Variants in CADM1 observed in about 807,000 individuals in gnomAD.
The protein encoded by CADM1 is TSLC-1.
A neutral mutation model predicts 53.1 loss-of-function variants in CADM1; 15 were observed. That is an observed-to-expected ratio of 0.28 (90% CI 0.19 to 0.44). CADM1 has a LOEUF of 0.44. Among genes scored for constraint, CADM1 ranks in the 20% least tolerant of loss-of-function variants. The pLI is 1.00. For synonymous variants in CADM1, 281 were observed against 243.0 expected, an observed-to-expected ratio of 1.16 and a Z score of -1.45; for missense variants, 434 against 611.3, an observed-to-expected ratio of 0.71 and a Z score of 3.06.
intron 1 of CADM1, among the ~76,000 whole-genome samples, chr11:115,251,048 A>C (rs1228856647): frequency 6.6e-6 from 1 of 152,246 alleles, no homozygotes; most frequent in Non-Finnish European, 1.5e-5. Context: ...AGGAATCTGA[A>C]GCCAAACAGC....
chr11:115,196,337 T>G (rs1206735468), intron 9 of CADM1, among the ~76,000 whole-genome samples: 1 of 152,112 alleles, frequency 6.6e-6, no homozygotes, highest in Non-Finnish European at 1.5e-5. Flanking sequence ...CTACTTCGAA[T>G]AGCCTATCCA....
At chr11:115,243,862 AGG>A (rs1414658366) in intron 1 of CADM1, among the ~76,000 whole-genome samples, 1 of 152,244 alleles carries the variant, frequency 6.6e-6, no homozygotes, top group Non-Finnish European at 1.5e-5. Flanking sequence ...AGGCAGAAAC[AGG>A]ACATGTTCTG....
intron 1 of CADM1, among the ~76,000 whole-genome samples, chr11:115,279,965 G>A (rs1200324579): frequency 3.3e-5 from 5 of 152,196 alleles, no homozygotes; most frequent in Non-Finnish European, 5.9e-5. Context: ...CTGCACAGCT[G>A]TAGAAAGCTA....
chr11:115,468,104 A>G (rs935542108), intron 1 of CADM1, among the ~76,000 whole-genome samples: 8 of 152,252 alleles, frequency 5.3e-5, no homozygotes, highest in African/African-American at 1.9e-4. Flanking sequence ...TACAAGAAAG[A>G]TAAGTAAACT....
chr11:115,275,990 C>T (rs1419293154), intron 1 of CADM1, among the ~76,000 whole-genome samples: 1 of 152,116 alleles, frequency 6.6e-6, no homozygotes, highest in Non-Finnish European at 1.5e-5. Flanking sequence ...ATTACCATTA[C>T]TTGTATTTAA....
chr11:115,473,386 G>T (rs1949059319), intron 1 of CADM1, among the ~76,000 whole-genome samples: 1 of 152,130 alleles, frequency 6.6e-6, no homozygotes. Context: ...TTGGGCCCAG[G>T]AGTTCAAGGT....
chr11:115,477,012 TA>T (rs1379601601), intron 1 of CADM1, among the ~76,000 whole-genome samples: 1 of 151,688 alleles, frequency 6.6e-6, no homozygotes, highest in African/African-American at 2.4e-5. Context: ...AGCATTTCTT[TA>T]AAAAAAAGAA....
At chr11:115,230,795 TA>T (rs772835385) in intron 4 of CADM1, among the ~76,000 whole-genome samples, 12 of 152,240 alleles carry the variant, frequency 7.9e-5, no homozygotes, top group Non-Finnish European at 1.3e-4. Context: ...GTGGTCCCTG[TA>T]AATTCACAAT....
At chr11:115,438,389 G>A (rs184504660) in intron 1 of CADM1, among the ~76,000 whole-genome samples, 17 of 152,054 alleles carry the variant, frequency 1.1e-4, no homozygotes, top group Admixed American at 2.6e-4. Flanking sequence ...TACCTTGTGC[G>A]CACACTTCGG....
At chr11:115,251,701 T>G (rs1013467851) in intron 1 of CADM1, among the ~76,000 whole-genome samples, 2 of 152,238 alleles carry the variant, frequency 1.3e-5, no homozygotes, top group Non-Finnish European at 2.9e-5. Context: ...AGTTATTCAC[T>G]CTATCATCTG....
intron 1 of CADM1, among the ~76,000 whole-genome samples, chr11:115,478,788 C>A (rs188653803): frequency 1.2e-4 from 18 of 152,246 alleles, no homozygotes; most frequent in Admixed American, 9.2e-4. Flanking sequence ...CAGTGTTCTA[C>A]AGTATGCTTT....
chr11:115,503,636 G>T (rs1419644681), intron 1 of CADM1, among the ~76,000 whole-genome samples: 1 of 152,214 alleles, frequency 6.6e-6, no homozygotes, highest in Non-Finnish European at 1.5e-5. Context: ...CAGAGCCGAG[G>T]GGGCGGAGGG....
intron 1 of CADM1, among the ~76,000 whole-genome samples, chr11:115,281,038 C>T (rs969163808): frequency 6.6e-6 from 1 of 152,204 alleles, no homozygotes; most frequent in Non-Finnish European, 1.5e-5. Context: ...TGGCCTTGAC[C>T]TAATGTTAGC....
At chr11:115,408,709 T>C (rs1565412493) in intron 1 of CADM1, among the ~76,000 whole-genome samples, 3 of 152,342 alleles carry the variant, frequency 2.0e-5, no homozygotes, top group East Asian at 1.9e-4. Flanking sequence ...CCATTTCTTA[T>C]GTGAAAGGGC....
chr11:115,450,807 T>C (rs1410595751), intron 1 of CADM1, among the ~76,000 whole-genome samples: 1 of 152,202 alleles, frequency 6.6e-6, no homozygotes, highest in Non-Finnish European at 1.5e-5. Context: ...ATAACGATCA[T>C]CTTTCAAATG....
chr11:115,262,646 T>C (rs559028558), intron 1 of CADM1, among the ~76,000 whole-genome samples: 26 of 152,354 alleles, frequency 1.7e-4, no homozygotes, highest in African/African-American at 6.3e-4. Flanking sequence ...TAGTGGATGC[T>C]TATTTTCTTT....
chr11:115,256,756 G>T, intron 1 of CADM1: 1 of 454,906 alleles, frequency 2.2e-6, no homozygotes, highest in Admixed American at 2.3e-5. Context: ...TTAACATATG[G>T]CAATTGCAAT....
intron 1 of CADM1, among the ~76,000 whole-genome samples, chr11:115,362,485 C>T (rs559796733): frequency 1.3e-5 from 2 of 152,168 alleles, no homozygotes; most frequent in Non-Finnish European, 2.9e-5. Context: ...AAGAGCACTG[C>T]GACCTAGTCA....
intron 7 of CADM1, among the ~76,000 whole-genome samples, chr11:115,212,734 A>T (rs1046582219): frequency 1.3e-5 from 2 of 152,222 alleles, no homozygotes; most frequent in African/African-American, 4.8e-5. Context: ...TCTAAAACAC[A>T]TTTAGAAACC....
Sources: allele counts gnomAD v4.1 joint callset (sites outside exome capture counted in the v4.1 genomes callset), GRCh38; gene constraint gnomAD v4.1.1; transcripts MANE v1.5; gene names NCBI Gene and HGNC (gene_info 2026-07-23, HGNC 2026-07-21).